Variants in THSD7B observed in about 807,000 individuals in gnomAD.
THSD7B encodes the protein thrombospondin type 1 domain containing 7B, also known as thrombospondin type-1 domain-containing protein 7B.
A neutral mutation model predicts 213.6 loss-of-function variants in THSD7B; 138 were observed. That is an observed-to-expected ratio of 0.65 (90% confidence interval 0.56 to 0.74). THSD7B has a LOEUF of 0.74. THSD7B is among the 30% of genes least tolerant of loss of function. The pLI is 0.00. For missense variants in THSD7B, 1,931 were observed against 1,991.5 expected, an observed-to-expected ratio of 0.97 and a Z score of 0.58; for synonymous variants, 742 against 687.0, an observed-to-expected ratio of 1.08 and a Z score of -1.25.
At chr2:137,130,630 T>C (rs1463069440) in intron 5 of THSD7B, among the ~76,000 whole-genome samples, 1 of 150,586 alleles carries the variant, frequency 6.6e-6, no homozygotes. Context: ...CATGTGGTGT[T>C]TGGTTTTTTG....
At chr2:137,463,652 G>T (rs746138138) in intron 15 of THSD7B, among the ~76,000 whole-genome samples, 30 of 151,988 alleles carry the variant, frequency 2.0e-4, no homozygotes, top group Middle Eastern at 3.4e-3. Context: ...GTGGACAAAA[G>T]ATGTTCTCTC....
chr2:137,394,934 G>A (rs1282225064), intron 12 of THSD7B, among the ~76,000 whole-genome samples: 1 of 147,076 alleles, frequency 6.8e-6, no homozygotes, highest in African/African-American at 2.6e-5. Flanking sequence ...ATTGTGAATG[G>A]CAGTTCACTC....
At position 137,492,179 on chromosome 2, in the gene THSD7B, C is replaced by T. The variant is rs555750384; in HGVS notation, c.3138+41156C>T. ...GCAAGGGAAATGAAACTCCATTTGCCTACTTTCTGAACAAGTTCCAAACCC... is the reference window on the plus strand; with the variant it reads ...GCAAGGGAAATGAAACTCCATTTGCTTACTTTCTGAACAAGTTCCAAACCC... On this transcript the variant is annotated intron_variant, in intron 15 of 27. Coordinates refer to ENST00000409968, the MANE Select transcript of THSD7B (RefSeq NM_001316349.2). Among the ~76,000 whole-genome samples the T allele has an allele frequency of 5.3e-5, 8 of 152,232 alleles. No individual in the cohort carries two copies. The South Asian group carries it at 1.7e-3, about 32-fold the overall frequency.
intron 2 of THSD7B, among the ~76,000 whole-genome samples, chr2:137,003,906 A>G (rs1403651206): frequency 6.6e-6 from 1 of 152,158 alleles, no homozygotes; most frequent in African/African-American, 2.4e-5. Context: ...ACTTTACCGC[A>G]TTTTATTTTT....
intron 2 of THSD7B, among the ~76,000 whole-genome samples, chr2:136,941,841 T>C (rs954006447): frequency 3.3e-5 from 5 of 152,214 alleles, no homozygotes; most frequent in African/African-American, 9.7e-5. Flanking sequence ...GCAGAAACTC[T>C]TTAGGTTAAT....
chr2:137,049,881 C>T (rs1479714714), intron 2 of THSD7B, among the ~76,000 whole-genome samples: 1 of 152,120 alleles, frequency 6.6e-6, no homozygotes, highest in Non-Finnish European at 1.5e-5. Context: ...CTTCCCTCAC[C>T]CACACCTTAG....
At position 137,331,881 on chromosome 2, in the gene THSD7B, G is replaced by A. The variant is rs554103486; in HGVS notation, c.2500+55855G>A. 7.9e-5 allele frequency among the ~76,000 whole-genome samples: 12 copies of A among 152,236 alleles called. No homozygotes were observed. In the East Asian group the frequency reaches 1.2e-3, roughly 15 times the overall value. ...AAGCCCCTCATTGCCCGGGGCCGGC[G>A]GGGCCGGCCGGCTGCTCCAAGTGCG... On this transcript the variant is annotated intron_variant, in intron 12 of 27. Transcript: ENST00000409968.
At chr2:137,313,052 T>C (rs963718893) in intron 12 of THSD7B, among the ~76,000 whole-genome samples, 87 of 151,456 alleles carry the variant, frequency 5.7e-4, no homozygotes, top group African/African-American at 1.9e-3. Context: ...GTTCAATTCC[T>C]GGGTATCCTT....
chr2:137,617,324 T>G (rs1239179720), intron 18 of THSD7B, among the ~76,000 whole-genome samples: 1 of 152,226 alleles, frequency 6.6e-6, no homozygotes, highest in Non-Finnish European at 1.5e-5. Flanking sequence ...ATGGAAAATT[T>G]CTTTAAAGAG....
chr2:137,128,371 C>T (rs1688665081), intron 5 of THSD7B, among the ~76,000 whole-genome samples: 2 of 152,080 alleles, frequency 1.3e-5, no homozygotes, highest in African/African-American at 4.8e-5. Flanking sequence ...TGAGAAGAAT[C>T]GAAGTATCAT....
chr2:137,346,693 C>T lies in THSD7B; in HGVS notation c.2501-58920C>T, dbSNP rs182579177. 2.4e-4 allele frequency among the ~76,000 whole-genome samples: 36 copies of T among 151,814 alleles called. No homozygotes were observed. The East Asian group carries it at 3.5e-3, about 15-fold the overall frequency. On this transcript the variant is annotated intron_variant, in intron 12 of 27. Transcript: ENST00000409968. ...TTTGAAGTTTTATTTTCTCCTCACA[C>T]ATGGATAGGATAGTGTGGGTTTGCT...
intron 15 of THSD7B, among the ~76,000 whole-genome samples, chr2:137,491,328 T>A (rs550533295): frequency 1.1e-4 from 16 of 152,350 alleles, no homozygotes; most frequent in African/African-American, 3.8e-4. Flanking sequence ...TGTGAATTGA[T>A]CATGGAAAAG....
At chr2:137,399,032 G>T (rs973037448) in intron 12 of THSD7B, among the ~76,000 whole-genome samples, 4 of 152,014 alleles carry the variant, frequency 2.6e-5, no homozygotes, top group Non-Finnish European at 5.9e-5. Flanking sequence ...CTCGCGCACG[G>T]TGCGCGCACC....
In THSD7B at chr2:136,887,758, C is replaced by T. The variant is rs180676040; in HGVS notation, c.139+5441C>T. ...ATAAATTACCTAGTCTTGGGTATTC[C>T]TTTGAGAAATGAAAACATACTAATA... is the stretch of plus-strand genomic sequence containing the variant. On this transcript the variant is annotated intron_variant, in intron 2 of 27. Transcript: ENST00000409968. Among the ~76,000 whole-genome samples, 153 of 152,110 alleles carry T rather than the reference C, an allele frequency of 1.0e-3. 3 individuals carry two copies. The East Asian group carries it at 0.019, about 19-fold the overall frequency.
chr2:137,066,713 C>T (rs1221773083), intron 3 of THSD7B, among the ~76,000 whole-genome samples: 1 of 152,098 alleles, frequency 6.6e-6, no homozygotes, highest in Non-Finnish European at 1.5e-5. Context: ...CCCTGAGCTA[C>T]TGGGATCTAT....
At chr2:137,045,257 G>A (rs1303987618) in intron 2 of THSD7B, among the ~76,000 whole-genome samples, 4 of 151,678 alleles carry the variant, frequency 2.6e-5, no homozygotes, top group Admixed American at 6.6e-5. Context: ...CTCCTCTTTG[G>A]TGTATCTGAA....
intron 20 of THSD7B, among the ~76,000 whole-genome samples, chr2:137,631,775 A>C (rs1378620994): frequency 2.6e-5 from 4 of 152,214 alleles, no homozygotes; most frequent in Non-Finnish European, 2.9e-5. Flanking sequence ...GAAAAAGAAT[A>C]GACAAGAAAC....
At chr2:136,905,552 G>A (rs1005141662) in intron 2 of THSD7B, among the ~76,000 whole-genome samples, 2 of 152,198 alleles carry the variant, frequency 1.3e-5, no homozygotes, top group Non-Finnish European at 2.9e-5. Flanking sequence ...GCAAGACCAT[G>A]TCATTGGTCC....
intron 12 of THSD7B, among the ~76,000 whole-genome samples, chr2:137,287,666 C>G (rs936183750): frequency 6.6e-6 from 1 of 152,146 alleles, no homozygotes; most frequent in Non-Finnish European, 1.5e-5. Flanking sequence ...CCATTTTTAA[C>G]ATAATAAGCT....
Sources: gnomAD v4.1 joint callset for allele counts (sites outside exome capture counted in the v4.1 genomes callset) on GRCh38, gnomAD v4.1.1 for gene constraint, MANE v1.5 for transcripts, NCBI Gene and HGNC (gene_info 2026-07-23, HGNC 2026-07-21) for gene names.